Variants in EHMT1 observed in about 807,000 individuals in gnomAD.
The protein encoded by EHMT1 is euchromatic histone lysine methyltransferase 1.
EHMT1 carries 15 observed loss-of-function variants against 147.2 expected under a neutral mutation model. The observed-to-expected ratio is 0.10, with a 90% CI of 0.07 to 0.16. The LOEUF (loss-of-function observed/expected upper bound fraction) is 0.16. Ranked by LOEUF, EHMT1 falls within the 10% of genes least tolerant of loss-of-function variation. The probability of loss-of-function intolerance (pLI) is 1.00; values close to 1 mark genes in which losing one functional copy is unlikely to be tolerated. For synonymous variants in EHMT1, 795 were observed against 709.6 expected (o/e 1.12, Z -1.91); for missense variants, 1,587 against 1,772.4 (o/e 0.90, Z 1.88).
At position 137,798,482 on chromosome 9, in the gene EHMT1, C is replaced by T. The variant is rs549596974; in HGVS notation, c.2506-331C>T. On this transcript the variant is annotated intron_variant, in intron 16 of 26. Transcript: ENST00000460843. ...AGGAGGGCAGAGTCCCTGGCGTTTCCGGAGCCGTGGGGTGGGCCTGGCGCT... is the reference window on the plus strand; with the variant it reads ...AGGAGGGCAGAGTCCCTGGCGTTTCTGGAGCCGTGGGGTGGGCCTGGCGCT... 2.0e-4 allele frequency among the ~76,000 whole-genome samples: 31 copies of T among 152,278 alleles called. No individual in the cohort carries two copies. In the South Asian group the frequency reaches 5.4e-3, roughly 26 times the overall value.
At chr9:137,672,482 C>T (rs1324164885) in intron 1 of EHMT1, among the ~76,000 whole-genome samples, 1 of 151,986 alleles carries the variant, frequency 6.6e-6, no homozygotes, top group Non-Finnish European at 1.5e-5. Flanking sequence ...GAGGTTTTGA[C>T]ATGGTAACAC....
chr9:137,802,353 C>T (rs1953564684), intron 18 of EHMT1: 1 of 398,472 alleles, frequency 2.5e-6, no homozygotes, highest in African/African-American at 2.1e-5. Flanking sequence ...ACAGAGGGTT[C>T]CAGAGGCCAG....
intron 1 of EHMT1, among the ~76,000 whole-genome samples, chr9:137,693,228 G>C (rs1423748123): frequency 6.6e-6 from 1 of 152,162 alleles, no homozygotes; most frequent in Non-Finnish European, 1.5e-5. Context: ...AACAGTTCAA[G>C]TTAGCGGGTA....
At chr9:137,759,348 A>G (rs1248086034) in intron 9 of EHMT1, among the ~76,000 whole-genome samples, 5 of 152,184 alleles carry the variant, frequency 3.3e-5, no homozygotes, top group African/African-American at 1.2e-4. Flanking sequence ...AGGTCTCAGG[A>G]AGTTACTTGG....
intron 3 of EHMT1, among the ~76,000 whole-genome samples, chr9:137,717,802 C>T (rs747961656): frequency 6.6e-6 from 1 of 152,146 alleles, no homozygotes; most frequent in Non-Finnish European, 1.5e-5. Context: ...GCTTTCACTC[C>T]AGCTAGGGAA....
rs146191149 is a variant in EHMT1, at chr9:137,813,491, G to T, written c.3141G>T (p.Thr1047=). The T allele has an allele frequency of 3.1e-6, 5 of 1,613,986 alleles. No individual in the cohort carries two copies. The Admixed American group carries it at 8.3e-5, about 27-fold the overall frequency. The part of the protein sequence containing the change: ...NYKYVSQNCV[T]SPMNIDRNIT... Reference sequence around the variant, plus strand: ...AGTACGTCTCTCAGAACTGCGTGACGTCCCCCATGAACATCGACAGAAATA... The same window carrying T: ...AGTACGTCTCTCAGAACTGCGTGACTTCCCCCATGAACATCGACAGAAATA... Residue 1047 remains threonine (T), a synonymous_variant, in exon 21 of 27, where the codon ACG becomes ACT. Transcript: ENST00000460843. The surrounding 1 kb of genome is among the most constrained non-coding windows in gnomAD (Gnocchi z 4.9).
chr9:137,627,257 CAT>C (rs1564517260), intron 1 of EHMT1, among the ~76,000 whole-genome samples: 6 of 145,200 alleles, frequency 4.1e-5, no homozygotes, highest in African/African-American at 1.5e-4. Context: ...CATGCCTGGC[CAT>C]TTTTTTTTTT....
At chr9:137,765,623 C>G (rs964977191) in intron 10 of EHMT1, among the ~76,000 whole-genome samples, 77 of 151,920 alleles carry the variant, frequency 5.1e-4, no homozygotes, top group Admixed American at 3.1e-3. Context: ...GGTGGAGAAG[C>G]GGAGCCTGAC....
chr9:137,716,602 T>C lies in EHMT1; in HGVS notation c.86-24T>C, dbSNP rs577569285. 7 of 1,540,566 alleles carry C rather than the reference T, an allele frequency of 4.5e-6. No individual in the cohort carries two copies. The African/African-American group carries it at 8.3e-5, about 18-fold the overall frequency. On this transcript the variant is annotated intron_variant, in intron 2 of 26. Coordinates refer to ENST00000460843, the MANE Select transcript of EHMT1 (RefSeq NM_024757.5). ...CATGGAGAGCGTGGCCTGCAGTCAG[T>C]GACACTCGTTTCTTTGTTGGCAGAG...
chr9:137,723,982 C>T (rs891983226), intron 3 of EHMT1, among the ~76,000 whole-genome samples: 3 of 152,212 alleles, frequency 2.0e-5, no homozygotes, highest in Admixed American at 6.5e-5. Context: ...GTGGAAGTCG[C>T]CGGAAGGGAA....
At chr9:137,643,563 T>G (rs918881266) in intron 1 of EHMT1, among the ~76,000 whole-genome samples, 1 of 152,088 alleles carries the variant, frequency 6.6e-6, no homozygotes, top group Admixed American at 6.5e-5. Flanking sequence ...TTAGCCAAGA[T>G]GGTCTGGATC....
intron 6 of EHMT1, among the ~76,000 whole-genome samples, chr9:137,749,725 T>G (rs1948826381): frequency 6.6e-6 from 1 of 152,258 alleles, no homozygotes; most frequent in Non-Finnish European, 1.5e-5. Context: ...AAAGAAGCTC[T>G]TGTTCCTTCC....
At chr9:137,721,314 TCA>T (rs1945977162) in intron 3 of EHMT1, among the ~76,000 whole-genome samples, 1 of 93,536 alleles carries the variant, frequency 1.1e-5, no homozygotes, top group Non-Finnish European at 2.2e-5. Flanking sequence ...CCCAGACTTC[TCA>T]CACTCACCCC....
chr9:137,759,119 C>T (rs1401484194), intron 9 of EHMT1, among the ~76,000 whole-genome samples: 1 of 151,794 alleles, frequency 6.6e-6, no homozygotes, highest in Non-Finnish European at 1.5e-5. Flanking sequence ...AGCGAGACTC[C>T]GTCTCAATTA....
chr9:137,796,374 A>C (rs921208381), intron 16 of EHMT1, among the ~76,000 whole-genome samples: 1 of 152,236 alleles, frequency 6.6e-6, no homozygotes, highest in Non-Finnish European at 1.5e-5. Context: ...AGATTTTGCA[A>C]TGCATCGGCC....
intron 1 of EHMT1, among the ~76,000 whole-genome samples, chr9:137,664,275 C>G (rs80030833): frequency 0.01 from 1,571 of 151,546 alleles, 12 homozygotes; most frequent in Non-Finnish European, 0.016. Flanking sequence ...TGAGAATTGC[C>G]TGTTTAGCCA....
rs1020512306 is a variant in EHMT1, at chr9:137,835,265, C to G, written c.*312C>G. 1.4e-5 allele frequency: 4 copies of G among 278,976 alleles called. No homozygotes were observed. The highest frequency in any genetic ancestry group is 2.6e-5 in the Non-Finnish European group (4 of 151,574). The allele number at this position is 278,976 out of a possible 1,614,324, so 17.3% of individuals were successfully genotyped here. A position where few individuals can be genotyped will look rare whatever the true frequency, so the allele number is the denominator to read the frequency against. ...AGTTTCTGATGCTGATTTGTCGTTG[C>G]GAAGTTTCTCGTTTCTTCCTCTGAC... is the stretch of plus-strand genomic sequence containing the variant. On this transcript the variant is annotated 3_prime_UTR_variant, in exon 27 of 27. Transcript: ENST00000460843.
intron 1 of EHMT1, among the ~76,000 whole-genome samples, chr9:137,619,518 T>C (rs986430410): frequency 6.6e-6 from 1 of 152,074 alleles, no homozygotes; most frequent in Non-Finnish European, 1.5e-5. Context: ...TTCCTTCGCT[T>C]CGTTGACCTT....
chr9:137,756,637 C>T (rs1274687395), intron 8 of EHMT1, among the ~76,000 whole-genome samples: 1 of 152,146 alleles, frequency 6.6e-6, no homozygotes, highest in Non-Finnish European at 1.5e-5. Flanking sequence ...GATCATAACA[C>T]CAGATGTGGC....
Sources: gnomAD v4.1 joint callset for allele counts (sites outside exome capture counted in the v4.1 genomes callset) on GRCh38, gnomAD v4.1.1 for gene constraint, Gnocchi (gnomAD v3.1) non-coding constraint, MANE v1.5 for transcripts, NCBI Gene and HGNC (gene_info 2026-07-23, HGNC 2026-07-21) for gene names.